CDH8: variants seen among roughly 807,000 people sequenced by gnomAD.
CDH8 encodes the protein cadherin 8.
Under a neutral mutation model 68.1 loss-of-function variants are expected in CDH8, and 17 were observed. The ratio of observed to expected loss-of-function variants is 0.25; its 90% CI spans 0.17 to 0.37. The LOEUF is 0.37. CDH8 is among the 10% of genes least tolerant of loss of function. CDH8 has a pLI of 1.00. For missense variants in CDH8, 763 were observed against 999.3 expected (o/e 0.76, Z 3.19); for synonymous variants, 372 against 365.1 (o/e 1.02, Z -0.21).
At chr16:61,887,176 G>T (rs1423891312) in intron 3 of CDH8, among the ~76,000 whole-genome samples, 2 of 151,940 alleles carry the variant, frequency 1.3e-5, no homozygotes, top group Admixed American at 1.3e-4. Flanking sequence ...GACCAATTTT[G>T]AGCAGAAGAA....
intron 7 of CDH8, among the ~76,000 whole-genome samples, chr16:61,812,414 C>T (rs1961972067): frequency 6.6e-6 from 1 of 152,158 alleles, no homozygotes; most frequent in Non-Finnish European, 1.5e-5. Context: ...TGTTGACCTC[C>T]TACTCTGCCT....
intron 8 of CDH8, among the ~76,000 whole-genome samples, chr16:61,788,011 C>T (rs1210479231): frequency 2.0e-5 from 3 of 149,670 alleles, no homozygotes; most frequent in Non-Finnish European, 3.0e-5. Context: ...GTGGGTGTAG[C>T]GCACCAGCAT....
intron 2 of CDH8, among the ~76,000 whole-genome samples, chr16:61,952,862 T>C (rs1380646054): frequency 6.6e-6 from 1 of 152,022 alleles, no homozygotes; most frequent in Non-Finnish European, 1.5e-5. Flanking sequence ...TCAGAGCAAA[T>C]GGATACAAAG....
intron 2 of CDH8, among the ~76,000 whole-genome samples, chr16:61,964,338 C>T (rs1216233007): frequency 2.6e-5 from 4 of 152,092 alleles, no homozygotes; most frequent in South Asian, 2.1e-4. Context: ...AGGTGGGAAC[C>T]GCCCAGGACA....
intron 8 of CDH8, among the ~76,000 whole-genome samples, chr16:61,748,181 C>T (rs1247610022): frequency 6.6e-6 from 1 of 151,656 alleles, no homozygotes; most frequent in Non-Finnish European, 1.5e-5. Context: ...AAACCACTAC[C>T]CTACTCCATT....
Position 61,845,508 on chromosome 16 carries a change from A to AAG in CDH8, c.667+11610_667+11611insCT, listed in dbSNP as rs200369107. Among the ~76,000 whole-genome samples, 822 of 151,582 alleles carry AAG rather than the reference A, an allele frequency of 5.4e-3. 9 individuals are homozygous for AAG. The highest frequency in any genetic ancestry group is 0.019 in the African/African-American group (792 of 41,404). The stretch of plus-strand genomic sequence containing the variant: ...AAGAAACTCTCCAGATATGTAAAAA[A>AAG]AAAAAAAAAAAAAACTATCTAATTA... On this transcript the variant is annotated intron_variant, in intron 4 of 11. Transcript: ENST00000577390.
intron 4 of CDH8, among the ~76,000 whole-genome samples, chr16:61,854,836 T>G (rs1422341277): frequency 6.6e-6 from 1 of 151,976 alleles, no homozygotes; most frequent in African/African-American, 2.4e-5. Context: ...AAGAGAGAGG[T>G]CCTCAAAGAT....
intron 3 of CDH8, among the ~76,000 whole-genome samples, chr16:61,868,245 A>G (rs895698903): frequency 5.3e-5 from 8 of 152,210 alleles, no homozygotes; most frequent in African/African-American, 1.9e-4. Flanking sequence ...CTTCAAATGC[A>G]GAGAATATGA....
chr16:61,940,396 A>ATTTTTTTTTTTTTT (rs1597078843), intron 2 of CDH8: 5 of 121,046 alleles, frequency 4.1e-5, no homozygotes, highest in South Asian at 2.6e-4. Flanking sequence ...GAACTACTTG[A>ATTTTTTTTTTTTTT]TCTTTTTTTT....
chr16:61,818,727 T>C (rs901362071), intron 6 of CDH8, among the ~76,000 whole-genome samples: 17 of 152,132 alleles, frequency 1.1e-4, no homozygotes, highest in African/African-American at 4.1e-4. Context: ...CTGTCGAGGT[T>C]CAAAGAGACA....
At chr16:61,795,378 T>G (rs766981907) in intron 7 of CDH8, among the ~76,000 whole-genome samples, 3 of 152,022 alleles carry the variant, frequency 2.0e-5, no homozygotes, top group Non-Finnish European at 2.9e-5. Context: ...AAAAACAACC[T>G]GAGGAGCCAG....
chr16:61,736,722 AAATGATAGCAGTT>A (rs1470085346), intron 8 of CDH8, among the ~76,000 whole-genome samples: 1 of 152,192 alleles, frequency 6.6e-6, no homozygotes, highest in African/African-American at 2.4e-5. Context: ...TAAATTAATG[AAATGATAGCAGTT>A]CAAATTTTAA....
chr16:61,883,011 T>TG (rs1245372450), intron 3 of CDH8, among the ~76,000 whole-genome samples: 1 of 152,174 alleles, frequency 6.6e-6, no homozygotes, highest in Non-Finnish European at 1.5e-5. Flanking sequence ...CAGACATCCC[T>TG]GGGGAATTCA....
intron 10 of CDH8, among the ~76,000 whole-genome samples, chr16:61,684,950 A>T (rs1053060543): frequency 6.6e-6 from 1 of 151,948 alleles, no homozygotes; most frequent in African/African-American, 2.4e-5. Flanking sequence ...CTCTCTCTGC[A>T]TAGGAGTGGA....
chr16:61,952,703 T>C (rs1314153330), intron 2 of CDH8, among the ~76,000 whole-genome samples: 1 of 152,126 alleles, frequency 6.6e-6, no homozygotes, highest in Non-Finnish European at 1.5e-5. Flanking sequence ...AGGGGCAAAA[T>C]TATGCAATGT....
chr16:62,008,082 A>G (rs922774060), intron 2 of CDH8, among the ~76,000 whole-genome samples: 14 of 151,776 alleles, frequency 9.2e-5, no homozygotes, highest in Non-Finnish European at 1.9e-4. Context: ...CCACAGGTGC[A>G]TGCCACCACA....
chr16:61,943,048 T>G (rs753240428), intron 2 of CDH8, among the ~76,000 whole-genome samples: 1 of 151,948 alleles, frequency 6.6e-6, no homozygotes, highest in African/African-American at 2.4e-5. Context: ...GACAAAAGAG[T>G]GAGACCTTGT....
chr16:61,932,973 G>A (rs1175382067), intron 2 of CDH8, among the ~76,000 whole-genome samples: 1 of 152,148 alleles, frequency 6.6e-6, no homozygotes, highest in Non-Finnish European at 1.5e-5. Flanking sequence ...CACACTTTGA[G>A]AAGCAATGCA....
intron 3 of CDH8, among the ~76,000 whole-genome samples, chr16:61,882,413 G>A (rs896267781): frequency 1.3e-5 from 2 of 152,194 alleles, no homozygotes; most frequent in African/African-American, 4.8e-5. Context: ...TTTTAGCTAT[G>A]AAGAAGAGCC....
Sources: allele counts gnomAD v4.1 joint callset (sites outside exome capture counted in the v4.1 genomes callset), GRCh38; gene constraint gnomAD v4.1.1; transcripts MANE v1.5; gene names NCBI Gene and HGNC (gene_info 2026-07-23, HGNC 2026-07-21).